Variants in DAPP1 observed in about 807,000 individuals in gnomAD.
DAPP1 encodes the protein dual adaptor of phosphotyrosine and 3-phosphoinositides 1.
Under a neutral mutation model 41.5 loss-of-function variants are expected in DAPP1, and 20 were observed. The ratio of observed to expected loss-of-function variants is 0.48; its 90% CI spans 0.34 to 0.70. The LOEUF (loss-of-function observed/expected upper bound fraction) is 0.70, where lower values mean the gene tolerates loss of function less well. DAPP1 is among the 30% of genes least tolerant of loss of function. The probability of loss-of-function intolerance (pLI) is 0.01; values close to 1 mark genes in which losing one functional copy is unlikely to be tolerated. For missense variants in DAPP1, 233 were observed against 333.4 expected, an observed-to-expected ratio of 0.70 and a Z score of 2.35; for synonymous variants, 113 against 116.2, an observed-to-expected ratio of 0.97 and a Z score of 0.18.
At chr4:99,858,778 A>C (rs772484815) in intron 4 of DAPP1, among the ~76,000 whole-genome samples, 23 of 152,198 alleles carry the variant, frequency 1.5e-4, no homozygotes, top group Non-Finnish European at 3.2e-4. Flanking sequence ...TTTTTATATC[A>C]AATGGTTATA....
At chr4:99,821,090 A>G (rs570865730) in intron 1 of DAPP1, among the ~76,000 whole-genome samples, 8 of 152,212 alleles carry the variant, frequency 5.3e-5, no homozygotes, top group Admixed American at 2.6e-4. Flanking sequence ...GAAGAGACTC[A>G]AGAGCAGAAA....
intron 4 of DAPP1, among the ~76,000 whole-genome samples, chr4:99,858,084 G>A (rs929043983): frequency 2.0e-5 from 3 of 152,182 alleles, no homozygotes; most frequent in Admixed American, 6.5e-5. Context: ...TGACCAGATA[G>A]AGCCTTCCAA....
rs191421902 is a variant in DAPP1 at position 99,868,155 on chromosome 4, G to A, written c.813G>A (p.Thr271=). The A allele has an allele frequency of 1.1e-3, 1,727 of 1,613,908 alleles. 7 individuals are homozygous for A. The highest frequency in any genetic ancestry group is 2.8e-3 in the South Asian group (258 of 91,080). Residue 271 remains threonine, a synonymous_variant, in exon 9 of 9, where the codon ACG becomes ACA. Transcript: ENST00000512369. ...AACAGCTCAACCAAGGGGAAGGCACGATCCGATCTCGGTCGTTCATCTTTA... is the reference window on the plus strand; with the variant it reads ...AACAGCTCAACCAAGGGGAAGGCACAATCCGATCTCGGTCGTTCATCTTTA... ...IRKQLNQGEG[T]IRSRSFIFK
chr4:99,859,847 C>T (rs1251258260), intron 4 of DAPP1, among the ~76,000 whole-genome samples: 5 of 152,186 alleles, frequency 3.3e-5, no homozygotes, highest in South Asian at 2.1e-4. Context: ...TTCAATGCCT[C>T]GCACACAGCT....
intron 7 of DAPP1, 71 bp from the exon 8 acceptor site, chr4:99,865,962 TA>T (rs1724434767): frequency 2.4e-5 from 2 of 82,410 alleles, no homozygotes; most frequent in Non-Finnish European, 4.9e-5. Flanking sequence ...TTATATTATA[TA>T]TATTATATAT....
At chr4:99,847,257 G>A (rs58304154) in intron 3 of DAPP1, among the ~76,000 whole-genome samples, 41,242 of 152,008 alleles carry the variant, frequency 0.27, 6,107 homozygotes, top group African/African-American at 0.39. Context: ...TAGGAGTTTT[G>A]TGTACCCTGT....
chr4:99,821,848 T>C (rs560410124), intron 1 of DAPP1, among the ~76,000 whole-genome samples: 1 of 152,244 alleles, frequency 6.6e-6, no homozygotes, highest in Non-Finnish European at 1.5e-5. Context: ...ATAATATACA[T>C]GCACATGTAC....
At chr4:99,835,486 T>G in intron 1 of DAPP1, 137 bp from the exon 2 acceptor site, 1 of 1,233,204 alleles carries the variant, frequency 8.1e-7, no homozygotes, top group Non-Finnish European at 1.1e-6. Flanking sequence ...CTTGTCCTAA[T>G]GTTGGGGCTG....
intron 1 of DAPP1, 84 bp from the exon 2 acceptor site, chr4:99,835,539 G>C (rs1194539030): frequency 1.3e-6 from 2 of 1,550,456 alleles, no homozygotes; most frequent in East Asian, 2.3e-5. Context: ...AATGTTGCTA[G>C]GTAATCTTTG....
intron 3 of DAPP1, among the ~76,000 whole-genome samples, chr4:99,848,681 T>C (rs1723755411): frequency 6.6e-6 from 1 of 152,192 alleles, no homozygotes. Context: ...GATTCATCTC[T>C]GATCGTCTCA....
At chr4:99,870,649 G>A (rs1280893236), downstream of DAPP1, among the ~76,000 whole-genome samples, 4 of 152,162 alleles carry the variant, frequency 2.6e-5, no homozygotes, top group Non-Finnish European at 4.4e-5. Flanking sequence ...TTGTGCCAAC[G>A]GCAGATCAGA....
chr4:99,853,584 G>T (rs1375716874), intron 4 of DAPP1, among the ~76,000 whole-genome samples: 2 of 152,206 alleles, frequency 1.3e-5, no homozygotes, highest in Admixed American at 1.3e-4. Context: ...CATTTTGGGA[G>T]GCCAAGGTAA....
chr4:99,824,661 ACC>A (rs1722880189), intron 1 of DAPP1, among the ~76,000 whole-genome samples: 2 of 152,262 alleles, frequency 1.3e-5, no homozygotes, highest in African/African-American at 4.8e-5. Flanking sequence ...GAAGACAATT[ACC>A]CTGAACCAGC....
At chr4:99,853,600 T>C (rs770876992) in intron 4 of DAPP1, among the ~76,000 whole-genome samples, 20 of 152,158 alleles carry the variant, frequency 1.3e-4, no homozygotes, top group Non-Finnish European at 2.2e-4. Context: ...GGTAAGAGAA[T>C]TGCTTGAGCC....
intron 2 of DAPP1, among the ~76,000 whole-genome samples, chr4:99,839,891 G>C (rs1723437187): frequency 6.6e-6 from 1 of 152,144 alleles, no homozygotes. Flanking sequence ...GCAAAACCCA[G>C]TCTTTACTAA....
At position 99,863,070 on chromosome 4, in the gene DAPP1, A is replaced by G; in HGVS notation, c.598A>G (p.Met200Val). ...TGAACTGAAATACTTCAAAGACCAG[A>G]TGGTGAGAAACATGATAATATATTT... ...RNELKYFKDQ[M>V]SPEPIRILDL... is the part of the protein sequence containing the mutation. The change falls in exon 6 of 9, where the codon ATG becomes GTG. Residue 200 changes from methionine to valine, a missense_variant and splice_region_variant. Coordinates refer to ENST00000512369, the MANE Select transcript of DAPP1 (RefSeq NM_014395.3). 1 of 1,572,812 alleles carries G rather than the reference A, an allele frequency of 6.4e-7. No homozygotes were observed. The highest frequency in any genetic ancestry group is 8.6e-7 in the Non-Finnish European group (1 of 1,161,658).
At chr4:99,847,051 G>A (rs536417062) in intron 3 of DAPP1, among the ~76,000 whole-genome samples, 2 of 152,254 alleles carry the variant, frequency 1.3e-5, no homozygotes, top group South Asian at 2.1e-4. Flanking sequence ...AATGAAACAC[G>A]GATGGACATG....
At chr4:99,871,637 G>A (rs1724630704), downstream of DAPP1, among the ~76,000 whole-genome samples, 1 of 152,224 alleles carries the variant, frequency 6.6e-6, no homozygotes, top group Admixed American at 6.5e-5. Context: ...AGCCCAGTCT[G>A]TGGACCACGT....
At chr4:99,863,224 A>G (rs183812055) in intron 6 of DAPP1, among the ~76,000 whole-genome samples, 152 bp downstream of exon 6, 1 of 152,290 alleles carries the variant, frequency 6.6e-6, no homozygotes, top group African/African-American at 2.4e-5. Flanking sequence ...TGAAATGAGC[A>G]GAGTTATTTT....
Sources: allele counts gnomAD v4.1 joint callset (sites outside exome capture counted in the v4.1 genomes callset), GRCh38; gene constraint gnomAD v4.1.1; transcripts MANE v1.5; gene names NCBI Gene and HGNC (gene_info 2026-07-23, HGNC 2026-07-21).